The following SPDYA variants were observed in gnomAD, a reference collection of about 807,000 sequenced individuals.
The protein encoded by SPDYA is speedy/RINGO cell cycle regulator family member A, also known as speedy protein A.
SPDYA carries 11 observed loss-of-function variants against 36.7 expected under a neutral mutation model. That is an observed-to-expected ratio of 0.30 (90% CI 0.19 to 0.50). The LOEUF is 0.50. Ranked by LOEUF, SPDYA falls within the 20% of genes least tolerant of loss-of-function variation. The pLI is 0.98. For synonymous variants in SPDYA, 115 were observed against 118.7 expected (o/e 0.97, Z 0.20); for missense variants, 287 against 370.9 (o/e 0.77, Z 1.86).
chr2:28,827,756 T>C (rs1050961496), intron 5 of SPDYA, among the ~76,000 whole-genome samples: 3 of 152,214 alleles, frequency 2.0e-5, no homozygotes, highest in Admixed American at 6.5e-5. Context: ...TTGAGGTTCA[T>C]TGAACTTCTT....
At position 28,835,677 on chromosome 2, in the gene SPDYA, C is replaced by G. The variant is rs932563726; in HGVS notation, c.553-4495C>G. On this transcript the variant is annotated intron_variant, in intron 6 of 7. Coordinates refer to ENST00000334056, the MANE Select transcript of SPDYA (RefSeq NM_182756.4). ...ATCCATTAAATAGGGAAACAATAAA[C>G]TATAAAATAATTATTCACTGAGCTC... 3.9e-5 allele frequency among the ~76,000 whole-genome samples: 6 copies of G among 152,336 alleles called. No individual in the cohort carries two copies. In the South Asian group the frequency reaches 1.2e-3, roughly 32 times the overall value.
intron 5 of SPDYA, among the ~76,000 whole-genome samples, chr2:28,824,900 G>A (rs1026994294): frequency 6.6e-6 from 1 of 151,852 alleles, no homozygotes; most frequent in Non-Finnish European, 1.5e-5. Flanking sequence ...CAGTGCACAG[G>A]GAAAAATGAA....
chr2:28,824,928 T>C lies in SPDYA; in HGVS notation c.380+2518T>C, dbSNP rs139755126. ...AAAATGAACTCAAAATTTAGGATGA[T>C]TGCTAAATATAATAGTATTAGGTAA... On this transcript the variant is annotated intron_variant, in intron 5 of 7. Coordinates refer to ENST00000334056, the MANE Select transcript of SPDYA (RefSeq NM_182756.4). 4.5e-3 allele frequency among the ~76,000 whole-genome samples: 688 copies of C among 152,254 alleles called. 6 individuals carry two copies. The highest frequency in any genetic ancestry group is 0.016 in the African/African-American group (652 of 41,548).
intron 7 of SPDYA, among the ~76,000 whole-genome samples, chr2:28,845,249 C>CTTTTTT (rs372229883): frequency 5.3e-5 from 7 of 132,598 alleles, no homozygotes; most frequent in African/African-American, 5.7e-5. Flanking sequence ...CCATGCCCAG[C>CTTTTTT]TTTTTTTTTT....
chr2:28,844,732 G>A (rs945946096), intron 7 of SPDYA, among the ~76,000 whole-genome samples: 32 of 151,980 alleles, frequency 2.1e-4, no homozygotes, highest in African/African-American at 4.8e-4. Flanking sequence ...TCAGGAGTTC[G>A]AGATCAGCCT....
At chr2:28,829,413 C>A in intron 6 of SPDYA, 94 bp downstream of exon 6, 6 of 1,229,826 alleles carry the variant, frequency 4.9e-6, no homozygotes, top group Non-Finnish European at 5.5e-6. Context: ...TTTTGGTATT[C>A]TGGGTTTTTT....
chr2:28,850,318 C>T lies in SPDYA; in HGVS notation c.*377C>T. The T allele has an allele frequency of 1.9e-6, 3 of 1,606,512 alleles. No individual in the cohort carries two copies. The highest frequency in any genetic ancestry group is 2.6e-6 in the Non-Finnish European group (3 of 1,174,732). ...AACACCATTTAATATGTTCTGAAAA[C>T]ATTACTCACCTGTATGACCAGGTTG... is the stretch of plus-strand genomic sequence containing the variant. On this transcript the variant is annotated 3_prime_UTR_variant, in exon 8 of 8. Coordinates refer to ENST00000334056, the MANE Select transcript of SPDYA (RefSeq NM_182756.4).
rs903779170 is a variant in SPDYA at position 28,850,403 on chromosome 2, C to A, written c.*462C>A. 1 of 1,599,660 alleles carries A rather than the reference C, an allele frequency of 6.3e-7. No individual in the cohort carries two copies. The highest frequency in any genetic ancestry group is 1.1e-5 in the South Asian group (1 of 88,132). ...CCATATGGAAAATCAGAATGCGATT[C>A]TTCTGTTGTAAAAAAATATATGTAC... On this transcript the variant is annotated 3_prime_UTR_variant, in exon 8 of 8. Transcript: ENST00000334056.
intron 6 of SPDYA, among the ~76,000 whole-genome samples, chr2:28,833,627 C>CT (rs1425217991): frequency 6.6e-6 from 1 of 152,078 alleles, no homozygotes; most frequent in African/African-American, 2.4e-5. Context: ...AAAATGTAGT[C>CT]TTTTCAACAA....
intron 5 of SPDYA, 83 bp from the exon 6 acceptor site, chr2:28,829,065 C>A: frequency 8.0e-7 from 1 of 1,246,762 alleles, no homozygotes; most frequent in Non-Finnish European, 1.1e-6. Context: ...TGTTTATAAA[C>A]CACTTTTATG....
At chr2:28,821,553 G>A (rs1668168902) in intron 4 of SPDYA, among the ~76,000 whole-genome samples, 1 of 152,114 alleles carries the variant, frequency 6.6e-6, no homozygotes, top group African/African-American at 2.4e-5. Flanking sequence ...TGTGCAGAAG[G>A]GGGCAGTGTT....
rs1344296414 is a variant in SPDYA, at chr2:28,812,878, A to AAAT, written c.-92-1734_-92-1733insATA. On this transcript the variant is annotated intron_variant, in intron 1 of 7. Transcript: ENST00000334056. The stretch of plus-strand genomic sequence containing the variant: ...GTCTCAAAAAAAAAAAAAAAAAAAA[A>AAAT]ATTAAAGGATTTTACCTGATGAGCA... Among the ~76,000 whole-genome samples, 458 of 150,982 alleles carry AAAT rather than the reference A, an allele frequency of 3.0e-3. 5 individuals carry two copies. The highest frequency in any genetic ancestry group is 0.011 in the African/African-American group (434 of 41,034).
rs749368877 is a variant in SPDYA at position 28,816,187 on chromosome 2, G to A, written c.173G>A (p.Arg58His). ...KNTHNNNKSKRPKGPCLVIQR... is the reference protein window; with the variant it reads ...KNTHNNNKSKHPKGPCLVIQR... Reference sequence around the variant, plus strand: ...ACACATAATAACAACAAATCTAAACGCCCCAAAGGACCTTGTCTGGTTATA... The same window carrying A: ...ACACATAATAACAACAAATCTAAACACCCCAAAGGACCTTGTCTGGTTATA... The change falls in exon 3 of 8, where the codon CGC becomes CAC. Residue 58 changes from arginine (R) to histidine (H), a missense_variant. Transcript: ENST00000334056. The A allele has an allele frequency of 8.7e-6, 14 of 1,613,662 alleles. No homozygotes were observed. Among genetic ancestry groups the A allele is most frequent in the South Asian group, 2.2e-5 (2 of 91,056 alleles).
chr2:28,814,481 A>G (rs1305314600), intron 1 of SPDYA, 132 bp from the exon 2 acceptor site: 2 of 152,206 alleles, frequency 1.3e-5, no homozygotes, highest in Non-Finnish European at 2.9e-5. Context: ...GGTTACATAA[A>G]CTTTATTATT....
At chr2:28,846,453 CAGGAAAGTTTT>C (rs968180929) in intron 7 of SPDYA, among the ~76,000 whole-genome samples, 1 of 151,948 alleles carries the variant, frequency 6.6e-6, no homozygotes, top group African/African-American at 2.4e-5. Flanking sequence ...TTAAAGACAT[CAGGAAAGTTTT>C]AGTGACTATT....
rs146623455 is a variant in SPDYA at position 28,843,634 on chromosome 2, T to G, written c.850+3165T>G. On this transcript the variant is annotated intron_variant, in intron 7 of 7. Coordinates refer to ENST00000334056, the MANE Select transcript of SPDYA (RefSeq NM_182756.4). ...AGATGAAGCATTCTTTACATATTTA[T>G]ATACATCACAATCACCAATCACACG... Among the ~76,000 whole-genome samples, 41 of 152,040 alleles carry G rather than the reference T, an allele frequency of 2.7e-4. No homozygotes were observed. In the East Asian group the frequency reaches 6.4e-3, roughly 24 times the overall value.
intron 6 of SPDYA, among the ~76,000 whole-genome samples, chr2:28,836,745 A>C (rs186775960): frequency 6.6e-6 from 1 of 152,282 alleles, no homozygotes; most frequent in East Asian, 1.9e-4. Context: ...TAAATTGGAA[A>C]ATATATATAG....
In SPDYA at chr2:28,813,672, C is replaced by T. The variant is rs192518589; in HGVS notation, c.-92-941C>T. ...GTTCAAGCAATTCTCCTGTCTCAGC[C>T]TCCCCAGTAGCTGGGACTACAGGCG... On this transcript the variant is annotated intron_variant, in intron 1 of 7. Coordinates refer to ENST00000334056, the MANE Select transcript of SPDYA (RefSeq NM_182756.4). 4.6e-5 allele frequency among the ~76,000 whole-genome samples: 7 copies of T among 152,130 alleles called. No homozygotes were observed. The East Asian group carries it at 1.4e-3, about 29-fold the overall frequency.
At chr2:28,817,757 A>G (rs1668023550) in intron 3 of SPDYA, among the ~76,000 whole-genome samples, 1 of 145,916 alleles carries the variant, frequency 6.9e-6, no homozygotes. Context: ...AGGCGGAGGC[A>G]GGAGAATCGC....
Sources: gnomAD v4.1 joint callset for allele counts (sites outside exome capture counted in the v4.1 genomes callset) on GRCh38, gnomAD v4.1.1 for gene constraint, MANE v1.5 for transcripts, NCBI Gene and HGNC (gene_info 2026-07-23, HGNC 2026-07-21) for gene names.